COL4A5: variants seen among roughly 807,000 people sequenced by gnomAD.
COL4A5 encodes collagen type IV alpha 5 chain.
A neutral mutation model predicts 130.2 loss-of-function variants in COL4A5; 26 were observed. The observed-to-expected ratio is 0.20, with a 90% CI of 0.15 to 0.28. The LOEUF (loss-of-function observed/expected upper bound fraction) is 0.28. Among genes scored for constraint, COL4A5 ranks in the 10% least tolerant of loss-of-function variants. The pLI is 1.00. For missense variants in COL4A5, 1,131 were observed against 1,344.3 expected, an observed-to-expected ratio of 0.84 and a Z score of 2.48; for synonymous variants, 496 against 439.6, an observed-to-expected ratio of 1.13 and a Z score of -1.60.
At chrX:108,677,414 G>A in intron 43 of COL4A5, 86 bp from the exon 44 acceptor site, 2 of 935,491 alleles carry the variant, frequency 2.1e-6, no homozygotes, top group Non-Finnish European at 3.0e-6. Context: ...AAACTAATAG[G>A]AAGATGACTG....
chrX:108,459,468 C>T (rs1052002577), intron 1 of COL4A5, among the ~76,000 whole-genome samples: 1 of 112,151 alleles, frequency 8.9e-6, no homozygotes, highest in African/African-American at 3.2e-5. Context: ...AGTCTAGTAG[C>T]AATCATTCCA....
At chrX:108,663,538 G>A (rs746116718) in intron 37 of COL4A5, among the ~76,000 whole-genome samples, 2 of 110,964 alleles carry the variant, frequency 1.8e-5, no homozygotes, top group Non-Finnish European at 3.8e-5. Flanking sequence ...GAGAATACAT[G>A]GACACAGGAA....
At chrX:108,456,719 A>T (rs1603246626) in intron 1 of COL4A5, among the ~76,000 whole-genome samples, 1 of 111,641 alleles carries the variant, frequency 9.0e-6, no homozygotes, top group African/African-American at 3.3e-5. Context: ...GTCCTTTTTC[A>T]TTTCTATTTG....
rs1003585488 is a variant in COL4A5, at chrX:108,651,527, T to A, written c.3247-3804T>A. On this transcript the variant is annotated intron_variant, in intron 36 of 52. Transcript: ENST00000328300. The stretch of plus-strand genomic sequence containing the variant: ...CCCCACAATTAACTTTGGGCACATT[T>A]TAAGTAATTGTATGTGCTGTGATTA... 3.6e-5 allele frequency among the ~76,000 whole-genome samples: 4 copies of A among 111,885 alleles called. No individual in the cohort carries two copies. In the East Asian group the frequency reaches 1.1e-3, roughly 31 times the overall value.
intron 2 of COL4A5, among the ~76,000 whole-genome samples, chrX:108,540,840 C>T (rs1300527239): frequency 8.9e-6 from 1 of 111,920 alleles, no homozygotes; most frequent in East Asian, 2.8e-4. Context: ...TAGCATAAGC[C>T]TAATCACTAT....
chrX:108,657,986 T>C (rs1367547738), intron 37 of COL4A5, among the ~76,000 whole-genome samples: 1 of 110,998 alleles, frequency 9.0e-6, no homozygotes, highest in African/African-American at 3.3e-5. Flanking sequence ...GGACCTGTAG[T>C]GCAGTGTTTA....
At chrX:108,654,635 CAG>C (rs765477573) in intron 36 of COL4A5, among the ~76,000 whole-genome samples, 23 of 112,184 alleles carry the variant, frequency 2.1e-4, no homozygotes, top group East Asian at 5.6e-4. Context: ...TTTGTAGAGA[CAG>C]AGTCTCCCTT....
At chrX:108,482,284 A>G (rs1425436108) in intron 1 of COL4A5, among the ~76,000 whole-genome samples, 1 of 111,528 alleles carries the variant, frequency 9.0e-6, no homozygotes, top group Non-Finnish European at 1.9e-5. Flanking sequence ...ACTCACCTCT[A>G]GTGGCCGCTG....
rs188931579 is a variant in COL4A5 at position 108,623,781 on chromosome X, A to G, written c.2918-455A>G. Among the ~76,000 whole-genome samples, 3 of 112,028 alleles carry G rather than the reference A, an allele frequency of 2.7e-5. No homozygotes were observed. The Admixed American group carries it at 2.8e-4, about 11-fold the overall frequency. On this transcript the variant is annotated intron_variant, in intron 33 of 52. Transcript: ENST00000328300. ...ATTAATGCAGTGTTGTATATAGTCAAGAAAGAGGCAGGGTCACCTAATTTT... is the reference window on the plus strand; with the variant it reads ...ATTAATGCAGTGTTGTATATAGTCAGGAAAGAGGCAGGGTCACCTAATTTT...
At chrX:108,477,390 T>C (rs1331126053) in intron 1 of COL4A5, among the ~76,000 whole-genome samples, 2 of 111,722 alleles carry the variant, frequency 1.8e-5, no homozygotes, top group Non-Finnish European at 3.8e-5. Context: ...CCAAATACTA[T>C]TACATAAAGT....
chrX:108,668,667 G>T (rs1366797332), intron 41 of COL4A5, among the ~76,000 whole-genome samples, 163 bp downstream of exon 41: 2 of 112,222 alleles, frequency 1.8e-5, no homozygotes, highest in South Asian at 3.7e-4. Context: ...CAAGTAAATA[G>T]CTTGGTTCAT....
rs1040425870 is a variant in COL4A5, at chrX:108,559,727, G to T, written c.231+574G>T. Among the ~76,000 whole-genome samples the T allele has an allele frequency of 9.8e-5, 11 of 111,895 alleles. No homozygotes were observed. In the East Asian group the frequency reaches 3.1e-3, roughly 32 times the overall value. On this transcript the variant is annotated intron_variant, in intron 3 of 52. Transcript: ENST00000328300. Reference sequence around the variant, plus strand: ...GAAGGAGAAGAGCTAGGATGGAAACGTACTGAATCAGAGTGCAGAAAAAGT... The same window carrying T: ...GAAGGAGAAGAGCTAGGATGGAAACTTACTGAATCAGAGTGCAGAAAAAGT...
At chrX:108,496,701 T>G (rs1393858966) in intron 1 of COL4A5, among the ~76,000 whole-genome samples, 1 of 111,802 alleles carries the variant, frequency 8.9e-6, no homozygotes, top group Admixed American at 9.5e-5. Flanking sequence ...CCTCATGTTT[T>G]GAAGCTCTGT....
chrX:108,620,577 C>T, intron 31 of COL4A5, 151 bp downstream of exon 31: 4 of 482,025 alleles, frequency 8.3e-6, no homozygotes, highest in Non-Finnish European at 1.4e-5. Context: ...GCTCACTTTG[C>T]TATTTTCACT....
intron 36 of COL4A5, among the ~76,000 whole-genome samples, chrX:108,645,318 A>G (rs2067558231): frequency 9.0e-6 from 1 of 111,664 alleles, no homozygotes; most frequent in Non-Finnish European, 1.9e-5. Context: ...AAATTGGTAG[A>G]CCATTACCAA....
intron 1 of COL4A5, among the ~76,000 whole-genome samples, chrX:108,453,911 C>T (rs1464407417): frequency 6.3e-5 from 7 of 111,852 alleles, no homozygotes; most frequent in Non-Finnish European, 1.1e-4. Context: ...TCTTGCCTAC[C>T]ATTTTCAATC....
At chrX:108,666,731 G>T in intron 39 of COL4A5, 137 bp downstream of exon 39, 1 of 556,794 alleles carries the variant, frequency 1.8e-6, no homozygotes, top group South Asian at 2.9e-5. Context: ...CCTAGTTACC[G>T]TCTTCCTCTT....
rs186284496 is a variant in COL4A5 at position 108,631,385 on chromosome X, G to T, written c.3246+5036G>T. ...AAGTCCTTCACATCCCTTATAAGTTGTATTCCTAGGTATTTTATTCTTTTT... is the reference window on the plus strand; with the variant it reads ...AAGTCCTTCACATCCCTTATAAGTTTTATTCCTAGGTATTTTATTCTTTTT... On this transcript the variant is annotated intron_variant, in intron 36 of 52. Coordinates refer to ENST00000328300, the MANE Select transcript of COL4A5 (RefSeq NM_033380.3). Among the ~76,000 whole-genome samples the T allele has an allele frequency of 1.4e-4, 15 of 110,968 alleles. No homozygotes were observed. In the East Asian group the frequency reaches 4.3e-3, roughly 32 times the overall value.
intron 47 of COL4A5, among the ~76,000 whole-genome samples, chrX:108,683,507 T>C (rs746972690): frequency 3.6e-5 from 4 of 111,806 alleles, no homozygotes; most frequent in Non-Finnish European, 5.6e-5. Context: ...TTCATGATAT[T>C]GATTCTTCCT....
Sources: allele counts gnomAD v4.1 joint callset (sites outside exome capture counted in the v4.1 genomes callset), GRCh38; gene constraint gnomAD v4.1.1; transcripts MANE v1.5; gene names NCBI Gene and HGNC (gene_info 2026-07-23, HGNC 2026-07-21).